GDAP1L1: variants seen among roughly 807,000 people sequenced by gnomAD.
GDAP1L1 encodes the protein ganglioside induced differentiation associated protein 1 like 1.
Under a neutral mutation model 37.1 loss-of-function variants are expected in GDAP1L1, and 21 were observed. The ratio of observed to expected loss-of-function variants is 0.57; its 90% CI spans 0.40 to 0.81. The LOEUF is 0.81. Ranked by LOEUF, GDAP1L1 falls within the 40% of genes least tolerant of loss-of-function variation. The pLI, the probability that GDAP1L1 is intolerant of heterozygous loss-of-function variation, is 0.00. For synonymous variants in GDAP1L1, 193 were observed against 209.1 expected, an observed-to-expected ratio of 0.92 and a Z score of 0.67; for missense variants, 362 against 491.6, an observed-to-expected ratio of 0.74 and a Z score of 2.49.
At chr20:44,269,882 G>T (rs538077151) in intron 5 of GDAP1L1, among the ~76,000 whole-genome samples, 3 of 152,204 alleles carry the variant, frequency 2.0e-5, no homozygotes, top group Non-Finnish European at 4.4e-5. Flanking sequence ...AGTGAGCCAA[G>T]ATTGTGCCAC....
At chr20:44,274,856 T>C in intron 5 of GDAP1L1, among the ~76,000 whole-genome samples, 1 of 152,154 alleles carries the variant, frequency 6.6e-6, no homozygotes, top group Non-Finnish European at 1.5e-5. Flanking sequence ...ACTCATTATC[T>C]CCCCTCGGGG....
At position 44,264,564 on chromosome 20, in the gene GDAP1L1, G is replaced by T; in HGVS notation, c.760+5G>T. ...AGAGGAAGCTGGAGAACGAGGGTGG[G>T]TGCCAGCCCTGGGGGAGGTGGGGGC... On this transcript the variant is annotated splice_donor_5th_base_variant and intron_variant, in intron 5 of 5. Transcript: ENST00000342560. 6 of 1,610,724 alleles carry T rather than the reference G, an allele frequency of 3.7e-6. No individual in the cohort carries two copies. Among genetic ancestry groups the T allele is most frequent in the Non-Finnish European group, 5.1e-6 (6 of 1,178,100 alleles).
intron 5 of GDAP1L1, among the ~76,000 whole-genome samples, chr20:44,267,408 G>A (rs1415867207): frequency 3.3e-5 from 5 of 152,030 alleles, no homozygotes; most frequent in East Asian, 1.9e-4. Context: ...TCAGGAGTTC[G>A]AGACCAGCCT....
intron 1 of GDAP1L1, among the ~76,000 whole-genome samples, chr20:44,254,151 C>T (rs2073496127): frequency 6.6e-6 from 1 of 152,220 alleles, no homozygotes; most frequent in Non-Finnish European, 1.5e-5. Context: ...CCCATGAGCT[C>T]AAATATACAC....
rs184371562 is a variant in GDAP1L1, at chr20:44,276,605, A to G, written c.761-2352A>G. ...TTTTGTTTTTGTTATGTTTACTTTT[A>G]CCATTGCAGATAGTTTATAGTGAAT... On this transcript the variant is annotated intron_variant, in intron 5 of 5. Coordinates refer to ENST00000342560, the MANE Select transcript of GDAP1L1 (RefSeq NM_024034.6). 4.1e-4 allele frequency among the ~76,000 whole-genome samples: 63 copies of G among 152,254 alleles called. No individual in the cohort carries two copies. The East Asian group carries it at 0.011, about 27-fold the overall frequency.
intron 1 of GDAP1L1, among the ~76,000 whole-genome samples, chr20:44,255,376 T>C (rs1179815978): frequency 1.3e-5 from 2 of 151,712 alleles, no homozygotes; most frequent in East Asian, 3.9e-4. Context: ...ACCCCATCTC[T>C]ACTAAAAATA....
intron 1 of GDAP1L1, among the ~76,000 whole-genome samples, chr20:44,253,053 C>T (rs890661821): frequency 1.3e-5 from 2 of 152,210 alleles, no homozygotes; most frequent in African/African-American, 2.4e-5. Context: ...GCCACCTTCT[C>T]GAGAGGCCTG....
At chr20:44,273,796 A>G (rs929611215) in intron 5 of GDAP1L1, among the ~76,000 whole-genome samples, 4 of 151,610 alleles carry the variant, frequency 2.6e-5, no homozygotes, top group Non-Finnish European at 5.9e-5. Flanking sequence ...CACCTCCCCC[A>G]CATCCTCACT....
chr20:44,260,981 C>A (rs1225265895), intron 3 of GDAP1L1, among the ~76,000 whole-genome samples: 1 of 152,212 alleles, frequency 6.6e-6, no homozygotes, highest in Admixed American at 6.5e-5. Context: ...GGGCTGGAGG[C>A]AGTCCCCAAG....
intron 5 of GDAP1L1, among the ~76,000 whole-genome samples, chr20:44,276,383 GA>G (rs1470684807): frequency 1.6e-4 from 19 of 116,656 alleles, no homozygotes; most frequent in African/African-American, 3.7e-4. Flanking sequence ...AGGAAGGAAG[GA>G]AAAGAAAAGA....
At chr20:44,276,088 G>A (rs1299521733) in intron 5 of GDAP1L1, among the ~76,000 whole-genome samples, 6 of 151,772 alleles carry the variant, frequency 4.0e-5, no homozygotes, top group East Asian at 3.9e-4. Context: ...TTGGGATGCC[G>A]AGGCAGGCGG....
intron 3 of GDAP1L1, among the ~76,000 whole-genome samples, chr20:44,262,894 T>A (rs7266177): frequency 0.012 from 1,778 of 151,934 alleles, 38 homozygotes; most frequent in African/African-American, 0.041. Flanking sequence ...TTTTTTTTTT[T>A]AAGATGGGTT....
intron 1 of GDAP1L1, among the ~76,000 whole-genome samples, chr20:44,250,431 C>T (rs1166748597): frequency 1.3e-5 from 2 of 152,174 alleles, no homozygotes; most frequent in Non-Finnish European, 2.9e-5. Context: ...TAGAATAGCA[C>T]GTGGCACATA....
chr20:44,249,534 GC>G lies in GDAP1L1; in HGVS notation c.180+2024del, dbSNP rs542739520. Among the ~76,000 whole-genome samples the G allele has an allele frequency of 1.5e-3, 224 of 152,280 alleles. 2 individuals carry two copies. The highest frequency in any genetic ancestry group is 5.2e-3 in the African/African-American group (216 of 41,564). Reference sequence around the variant, plus strand: ...TCCCCGCTAGAACCTCAGGAAGTGGGCCCCAGCGGCTGGGACCAGACAGGGG... The same window carrying G: ...TCCCCGCTAGAACCTCAGGAAGTGGGCCCAGCGGCTGGGACCAGACAGGGG... On this transcript the variant is annotated intron_variant, in intron 1 of 5. Transcript: ENST00000342560.
intron 5 of GDAP1L1, among the ~76,000 whole-genome samples, chr20:44,274,571 G>A (rs1472947129): frequency 6.6e-6 from 1 of 152,180 alleles, no homozygotes; most frequent in Non-Finnish European, 1.5e-5. Flanking sequence ...GAACACAGCT[G>A]AGCACTGTCT....
intron 1 of GDAP1L1, among the ~76,000 whole-genome samples, chr20:44,249,489 C>T (rs921516591): frequency 6.6e-6 from 1 of 152,188 alleles, no homozygotes; most frequent in African/African-American, 2.4e-5. Context: ...TCAGACTGCC[C>T]TTCAGAGTCT....
intron 3 of GDAP1L1, among the ~76,000 whole-genome samples, chr20:44,262,825 C>T (rs7271721): frequency 0.32 from 47,828 of 151,702 alleles, 8,479 homozygotes; most frequent in East Asian, 0.5. Flanking sequence ...CAAGCGATCC[C>T]CCTGCCTCAA....
rs781658516 is a variant in GDAP1L1, at chr20:44,279,591, A to G, written c.*291A>G. On this transcript the variant is annotated 3_prime_UTR_variant, in exon 6 of 6. Coordinates refer to ENST00000342560, the MANE Select transcript of GDAP1L1 (RefSeq NM_024034.6). ...TTTTCTATCGATTCAAGGTCTCAAG[A>G]TGGAACTGTGGAGACTGGTTAGGAT... is the stretch of plus-strand genomic sequence containing the variant. 4 of 531,578 alleles carry G rather than the reference A, an allele frequency of 7.5e-6. No homozygotes were observed. Among genetic ancestry groups the G allele is most frequent in the Non-Finnish European group, 1.5e-5 (4 of 267,506 alleles). The allele number at this position is 531,578 out of a possible 1,614,324, so 32.9% of individuals were successfully genotyped here.
At chr20:44,252,150 T>A (rs779122962) in intron 1 of GDAP1L1, among the ~76,000 whole-genome samples, 1 of 152,352 alleles carries the variant, frequency 6.6e-6, no homozygotes. Flanking sequence ...AATTTTCCCA[T>A]CCTAGTTCAA....
Sources: allele counts gnomAD v4.1 joint callset (sites outside exome capture counted in the v4.1 genomes callset), GRCh38; gene constraint gnomAD v4.1.1; transcripts MANE v1.5; gene names NCBI Gene and HGNC (gene_info 2026-07-23, HGNC 2026-07-21).